Variants in CRACD observed in about 807,000 individuals in gnomAD.
The protein encoded by CRACD is capping protein inhibiting regulator of actin dynamics.
CRACD carries 56 observed loss-of-function variants against 106.8 expected under a neutral mutation model. The observed-to-expected ratio is 0.52, with a 90% CI of 0.42 to 0.66. The LOEUF (loss-of-function observed/expected upper bound fraction) is 0.66, where lower values mean the gene tolerates loss of function less well. Among genes scored for constraint, CRACD ranks in the 30% least tolerant of loss-of-function variants. The pLI is 0.00. For synonymous variants in CRACD, 754 were observed against 670.8 expected (o/e 1.12, Z -1.92); for missense variants, 1,730 against 1,623.2 (o/e 1.07, Z -1.13).
intron 1 of CRACD, among the ~76,000 whole-genome samples, chr4:56,130,874 T>C (rs1383353758): frequency 6.6e-6 from 1 of 152,118 alleles, no homozygotes; most frequent in African/African-American, 2.4e-5. Context: ...CACCTCTCCA[T>C]CTCCCTCTCC....
intron 2 of CRACD, among the ~76,000 whole-genome samples, chr4:56,256,170 T>C (rs942935068): frequency 1.3e-5 from 2 of 152,126 alleles, no homozygotes; most frequent in Non-Finnish European, 2.9e-5. Flanking sequence ...TTCCGACATG[T>C]TGTGGGAGGG....
intron 2 of CRACD, among the ~76,000 whole-genome samples, chr4:56,204,976 G>A (rs1447360840): frequency 2.0e-5 from 3 of 152,076 alleles, no homozygotes; most frequent in Admixed American, 1.3e-4. Context: ...GGGCAACATA[G>A]CAAGACCTCA....
At chr4:56,120,539 T>C (rs1354705576) in intron 1 of CRACD, among the ~76,000 whole-genome samples, 1 of 152,224 alleles carries the variant, frequency 6.6e-6, no homozygotes, top group Non-Finnish European at 1.5e-5. Context: ...CTTAGCCTTC[T>C]TCACATCAAT....
intron 3 of CRACD, among the ~76,000 whole-genome samples, chr4:56,294,913 C>CAAAAAAAAAAAAAA (rs56200534): frequency 2.6e-4 from 19 of 72,154 alleles, no homozygotes; most frequent in East Asian, 4.9e-4. Flanking sequence ...GACCTTGTCT[C>CAAAAAAAAAAAAAA]AAAAAAAAAA....
intron 1 of CRACD, among the ~76,000 whole-genome samples, chr4:56,076,157 A>G (rs928423050): frequency 6.6e-6 from 1 of 152,162 alleles, no homozygotes; most frequent in Non-Finnish European, 1.5e-5. Context: ...TTGTTTCCTT[A>G]TAAGAGGAAA....
At chr4:56,119,471 C>T (rs1350668358) in intron 1 of CRACD, among the ~76,000 whole-genome samples, 40 of 151,878 alleles carry the variant, frequency 2.6e-4, no homozygotes, top group Admixed American at 2.6e-3. Flanking sequence ...GCTGGGACTA[C>T]AGGTGCATGC....
intron 8 of CRACD, among the ~76,000 whole-genome samples, chr4:56,317,570 A>G (rs1184895021): frequency 6.6e-6 from 1 of 152,194 alleles, no homozygotes; most frequent in Non-Finnish European, 1.5e-5. Flanking sequence ...CAGTGATGAT[A>G]AAACTGGAGT....
chr4:56,203,406 C>G (rs923402492), intron 2 of CRACD, among the ~76,000 whole-genome samples: 5 of 152,174 alleles, frequency 3.3e-5, no homozygotes, highest in African/African-American at 9.7e-5. Flanking sequence ...ACCACCAGAA[C>G]CAAAGCTTCT....
chr4:56,310,919 A>C (rs962027842), intron 6 of CRACD, 185 bp downstream of exon 6: 5 of 573,340 alleles, frequency 8.7e-6, no homozygotes, highest in Non-Finnish European at 1.6e-5. Context: ...ATGGCAAGGC[A>C]ACTGCTGGAA....
chr4:56,323,989 C>T (rs1214373521), intron 9 of CRACD, 115 bp from the exon 10 acceptor site: 1 of 1,157,014 alleles, frequency 8.6e-7, no homozygotes, highest in Non-Finnish European at 1.2e-6. Flanking sequence ...ATCCAGCCCA[C>T]CGTTGGAAGC....
intron 1 of CRACD, among the ~76,000 whole-genome samples, chr4:56,051,374 T>C (rs1731868271): frequency 6.6e-6 from 1 of 152,216 alleles, no homozygotes; most frequent in Non-Finnish European, 1.5e-5. Context: ...TCATAGTTGA[T>C]GTGTGTTTCT....
intron 3 of CRACD, among the ~76,000 whole-genome samples, chr4:56,273,313 C>T (rs1408242102): frequency 1.3e-5 from 2 of 150,388 alleles, no homozygotes; most frequent in Non-Finnish European, 3.0e-5. Flanking sequence ...TCCTTTCTTC[C>T]TTCCTTCCTT....
intron 2 of CRACD, among the ~76,000 whole-genome samples, chr4:56,267,816 T>C: frequency 6.6e-6 from 1 of 152,246 alleles, no homozygotes; most frequent in African/African-American, 2.4e-5. Flanking sequence ...ATTGCCCATA[T>C]TAAGTGTGGC....
intron 3 of CRACD, among the ~76,000 whole-genome samples, chr4:56,278,356 C>T (rs949772707): frequency 2.6e-5 from 4 of 152,128 alleles, no homozygotes; most frequent in Non-Finnish European, 4.4e-5. Flanking sequence ...TAAACTCTTA[C>T]GTTTGTGGTC....
chr4:56,315,946 A>C lies in CRACD; in HGVS notation c.2444A>C (p.Glu815Ala), dbSNP rs1340217235. ...CCGCAGAAAGTGGTGGCCCACACAG[A>C]GTTCACGACCTCGTCGGACAGCGAG... ...YPPQKVVAHT[E>A]FTTSSDSETA... Residue 815 changes from glutamate to alanine, a missense_variant, in exon 8 of 11, where the codon GAG (glutamate) becomes GCG (alanine). By Grantham distance (107) the Glu-to-Ala change is moderately radical (BLOSUM62 -1). Transcript: ENST00000682029. This position sits in a 1 kb window ranked among gnomAD's most constrained non-coding sequence, Gnocchi z 4.1. 6.2e-7 allele frequency: 1 copy of C among 1,614,210 alleles called. No individual in the cohort carries two copies. Among genetic ancestry groups the C allele is most frequent in the South Asian group, 1.1e-5 (1 of 91,084 alleles).
chr4:56,173,020 T>C (rs771294779), intron 1 of CRACD, among the ~76,000 whole-genome samples: 34 of 152,190 alleles, frequency 2.2e-4, no homozygotes, highest in Non-Finnish European at 1.5e-4. Flanking sequence ...CCTCCCAAAG[T>C]GTTGGGATTA....
intron 4 of CRACD, 26 bp from the exon 5 acceptor site, chr4:56,307,509 A>G: frequency 6.2e-7 from 1 of 1,612,740 alleles, no homozygotes; most frequent in African/African-American, 1.3e-5. Flanking sequence ...ACTGCTTCAG[A>G]ATGTCTTTCT....
rs554953090 is a variant in CRACD at position 56,280,156 on chromosome 4, G to T, written c.-17+7664G>T. Among the ~76,000 whole-genome samples the T allele has an allele frequency of 6.4e-5, 7 of 108,862 alleles. No individual in the cohort carries two copies. In the East Asian group the frequency reaches 2.4e-3, roughly 37 times the overall value. The allele number at this position is 108,862 out of a possible 152,430, so 71.4% of individuals were successfully genotyped here. On this transcript the variant is annotated intron_variant, in intron 3 of 10. Transcript: ENST00000682029. ...TGGGGCCTGTTGTGGGGTGGGGGGA[G>T]GGGGGAGGGATAGCATTAGGACATA...
At chr4:56,303,299 C>T (rs1049635280) in intron 4 of CRACD, among the ~76,000 whole-genome samples, 2 of 150,720 alleles carry the variant, frequency 1.3e-5, no homozygotes, top group East Asian at 3.9e-4. Context: ...GAGCCGAGAT[C>T]GTGCCATTGG....
Sources: gnomAD v4.1 joint callset for allele counts (sites outside exome capture counted in the v4.1 genomes callset) on GRCh38, gnomAD v4.1.1 for gene constraint, Gnocchi (gnomAD v3.1) non-coding constraint, MANE v1.5 for transcripts, NCBI Gene and HGNC (gene_info 2026-07-23, HGNC 2026-07-21) for gene names.